ROBO2: variants seen among roughly 807,000 people sequenced by gnomAD.
The protein encoded by ROBO2 is roundabout homolog 2.
Under a neutral mutation model 160.8 loss-of-function variants are expected in ROBO2, and 53 were observed. The ratio of observed to expected loss-of-function variants is 0.33; its 90% CI spans 0.26 to 0.41. The LOEUF (loss-of-function observed/expected upper bound fraction) is 0.41, where lower values mean the gene tolerates loss of function less well. Among genes scored for constraint, ROBO2 ranks in the 10% least tolerant of loss-of-function variants. The probability of loss-of-function intolerance (pLI) is 1.00; values close to 1 mark genes in which losing one functional copy is unlikely to be tolerated. For synonymous variants in ROBO2, 664 were observed against 611.7 expected, an observed-to-expected ratio of 1.09 and a Z score of -1.26; for missense variants, 1,577 against 1,722.4, an observed-to-expected ratio of 0.92 and a Z score of 1.49.
At chr3:76,026,650 T>C (rs2066756655) in intron 2 of ROBO2, among the ~76,000 whole-genome samples, 1 of 151,978 alleles carries the variant, frequency 6.6e-6, no homozygotes, top group African/African-American at 2.4e-5. Flanking sequence ...CAAAAGTACA[T>C]GTTCTTACAT....
At chr3:76,206,820 G>T (rs537125863) in intron 2 of ROBO2, among the ~76,000 whole-genome samples, 8 of 152,096 alleles carry the variant, frequency 5.3e-5, no homozygotes, top group African/African-American at 1.9e-4. Flanking sequence ...GGGTAGTAAT[G>T]TGCAAAGCAT....
chr3:76,288,189 A>G (rs1559722088), intron 2 of ROBO2, among the ~76,000 whole-genome samples: 1 of 152,178 alleles, frequency 6.6e-6, no homozygotes, highest in South Asian at 2.1e-4. Context: ...GAAGTTGATC[A>G]AAGAAACATA....
At chr3:77,280,574 T>TA (rs895651282) in intron 2 of ROBO2, among the ~76,000 whole-genome samples, 3 of 152,112 alleles carry the variant, frequency 2.0e-5, no homozygotes, top group African/African-American at 7.2e-5. Flanking sequence ...CCTACAGACA[T>TA]AAAAAATGAA....
intron 2 of ROBO2, among the ~76,000 whole-genome samples, chr3:76,580,317 GTTTTTTTTTT>G (rs2085583229): frequency 7.7e-5 from 3 of 38,848 alleles, no homozygotes; most frequent in African/African-American, 2.1e-4. Context: ...CCCAACCCCT[GTTTTTTTTTT>G]GTTTTTTTTT....
intron 2 of ROBO2, among the ~76,000 whole-genome samples, chr3:76,297,298 T>C (rs921572169): frequency 6.6e-6 from 1 of 152,196 alleles, no homozygotes; most frequent in African/African-American, 2.4e-5. Flanking sequence ...AAAGAAGAGT[T>C]AACACACCTA....
chr3:76,546,870 C>T (rs1218711935), intron 2 of ROBO2, among the ~76,000 whole-genome samples: 1 of 151,830 alleles, frequency 6.6e-6, no homozygotes, highest in African/African-American at 2.4e-5. Context: ...CTATATTGAC[C>T]TAAGCCAAAT....
chr3:76,157,555 G>T (rs999931590), intron 2 of ROBO2, among the ~76,000 whole-genome samples: 4 of 152,072 alleles, frequency 2.6e-5, no homozygotes, highest in African/African-American at 9.7e-5. Context: ...ATATTTGTGG[G>T]ATTTCTAGCT....
intron 2 of ROBO2, among the ~76,000 whole-genome samples, chr3:76,505,740 T>C (rs2080759853): frequency 6.6e-6 from 1 of 152,014 alleles, no homozygotes; most frequent in Non-Finnish European, 1.5e-5. Context: ...CTTGACCCTG[T>C]CAACACCTTG....
Position 76,075,472 on chromosome 3 carries a change from A to ATTTTT in ROBO2, c.109+137878_109+137882dup, listed in dbSNP as rs10686575. Among the ~76,000 whole-genome samples, 441 of 143,474 alleles carry ATTTTT rather than the reference A, an allele frequency of 3.1e-3. 4 individuals are homozygous for ATTTTT. The highest frequency in any genetic ancestry group is 6.6e-3 in the South Asian group (30 of 4,580). The allele number at this position is 143,474 out of a possible 152,430, so 94.1% of individuals were successfully genotyped here. ...AAATGTTCTCCTGAAGACTTTTCCT[A>ATTTTT]TTTTTTTTTTTTGCTAGGGTTCCTG... On this transcript the variant is annotated intron_variant, in intron 2 of 26. Transcript: ENST00000487694.
chr3:75,915,673 C>G (rs1576120997), intron 1 of ROBO2, among the ~76,000 whole-genome samples: 1 of 152,044 alleles, frequency 6.6e-6, no homozygotes. Flanking sequence ...GGCTAGAGGA[C>G]TCATGTTGAG....
chr3:76,992,838 G>A (rs2060766716), intron 2 of ROBO2, among the ~76,000 whole-genome samples: 1 of 151,804 alleles, frequency 6.6e-6, no homozygotes, highest in Non-Finnish European at 1.5e-5. Context: ...TTTTTTTTGA[G>A]ATGGAGTCTC....
intron 2 of ROBO2, among the ~76,000 whole-genome samples, chr3:77,449,244 C>T (rs1454791579): frequency 6.6e-6 from 1 of 151,950 alleles, no homozygotes; most frequent in Non-Finnish European, 1.5e-5. Context: ...GAAATAAGCA[C>T]TTTAGTGACT....
rs2089918074 is a variant in ROBO2, at chr3:76,629,910, G to A, written c.110-468104G>A. On this transcript the variant is annotated intron_variant, in intron 2 of 26. Coordinates refer to the ROBO2 transcript ENST00000487694. ...TTACCATACTTTTCTGAGAATTCTG[G>A]AGGTTGCCAATGCCATGATGACATG... Among the ~76,000 whole-genome samples the A allele has an allele frequency of 2.0e-5, 3 of 152,088 alleles. No individual in the cohort carries two copies. In the South Asian group the frequency reaches 6.2e-4, roughly 32 times the overall value.
At chr3:76,975,258 A>G (rs1224638620) in intron 2 of ROBO2, among the ~76,000 whole-genome samples, 1 of 152,172 alleles carries the variant, frequency 6.6e-6, no homozygotes, top group African/African-American at 2.4e-5. Flanking sequence ...TAATCCCAGC[A>G]CTTTGGGAGG....
At chr3:77,550,906 G>T (rs183275260) in exon 8 of ROBO2, 1 of 1,612,960 alleles carries the variant, frequency 6.2e-7, no homozygotes, top group Non-Finnish European at 8.5e-7. Context: ...AACATTCAAC[G>T]TTCCGACGCG....
chr3:76,303,840 T>C (rs972467266), intron 2 of ROBO2, among the ~76,000 whole-genome samples: 1 of 152,172 alleles, frequency 6.6e-6, no homozygotes, highest in African/African-American at 2.4e-5. Flanking sequence ...GCCTTACCTT[T>C]TTGTCTCCTA....
At chr3:76,463,645 A>G (rs1191593001) in intron 2 of ROBO2, among the ~76,000 whole-genome samples, 2 of 152,122 alleles carry the variant, frequency 1.3e-5, no homozygotes, top group South Asian at 2.1e-4. Flanking sequence ...CTGGTACAAG[A>G]GCACTAAGAG....
At chr3:76,808,779 C>T (rs951093669) in intron 2 of ROBO2, among the ~76,000 whole-genome samples, 17 of 151,834 alleles carry the variant, frequency 1.1e-4, no homozygotes, top group Admixed American at 4.6e-4. Context: ...GTGATGAATT[C>T]GGATATAGAA....
intron 2 of ROBO2, among the ~76,000 whole-genome samples, chr3:76,482,518 A>G (rs547089032): frequency 4.6e-5 from 7 of 152,194 alleles, no homozygotes; most frequent in South Asian, 2.1e-4. Context: ...TTTTAATGCA[A>G]TTTTCTTTTA....
Sources: gnomAD v4.1 joint callset for allele counts (sites outside exome capture counted in the v4.1 genomes callset) on GRCh38, gnomAD v4.1.1 for gene constraint, MANE v1.5 for transcripts, NCBI Gene and HGNC (gene_info 2026-07-23, HGNC 2026-07-21) for gene names.